Variants in SORCS1 observed in about 807,000 individuals in gnomAD.
The protein encoded by SORCS1 is VPS10 domain-containing receptor SorCS1.
A neutral mutation model predicts 146.1 loss-of-function variants in SORCS1; 60 were observed. The observed-to-expected ratio is 0.41, with a 90% confidence interval of 0.33 to 0.51. The LOEUF is 0.51. Ranked by LOEUF, SORCS1 falls within the 20% of genes least tolerant of loss-of-function variation. SORCS1 has a pLI of 0.21. For synonymous variants in SORCS1, 637 were observed against 584.0 expected (o/e 1.09, Z -1.31); for missense variants, 1,352 against 1,487.6 (o/e 0.91, Z 1.50).
rs1201686302 is a variant in SORCS1 at position 106,575,913 on chromosome 10, C to T, written c.*1507G>A. 6.6e-6 allele frequency: 1 copy of T among 152,650 alleles called. No homozygotes were observed. The highest frequency in any genetic ancestry group is 2.4e-5 in the African/African-American group (1 of 41,456). 9.5% of individuals were successfully genotyped at this position (152,650 alleles called of 1,614,324 possible). ...GGAAATACCAGGTAACAGCAACCGT[C>T]ACAGGAGGAAATTGCCCTGCGAAAT... is the stretch of plus-strand genomic sequence containing the variant. On this transcript the variant is annotated 3_prime_UTR_variant, in exon 26 of 26. Coordinates refer to ENST00000263054, the MANE Select transcript of SORCS1 (RefSeq NM_052918.5).
chr10:107,068,865 G>A (rs1324401136), intron 1 of SORCS1, among the ~76,000 whole-genome samples: 10 of 99,214 alleles, frequency 1.0e-4, no homozygotes, highest in Admixed American at 2.4e-4. Flanking sequence ...GCGAGACTCC[G>A]TCTCAAAAAA....
chr10:106,745,023 C>CA (rs1444480035), intron 5 of SORCS1, among the ~76,000 whole-genome samples: 1 of 152,028 alleles, frequency 6.6e-6, no homozygotes, highest in Non-Finnish European at 1.5e-5. Flanking sequence ...GTTTATTAGC[C>CA]AAAAAGTCTT....
chr10:106,870,712 A>G (rs760851270), intron 2 of SORCS1, among the ~76,000 whole-genome samples: 39 of 152,128 alleles, frequency 2.6e-4, no homozygotes, highest in Non-Finnish European at 4.4e-5. Context: ...GACTTAAATG[A>G]ACAACTCGAA....
rs1026230870 is a variant in SORCS1 at position 107,046,897 on chromosome 10, T to C, written c.559-90317A>G. On this transcript the variant is annotated intron_variant, in intron 1 of 25. Coordinates refer to ENST00000263054, the MANE Select transcript of SORCS1 (RefSeq NM_052918.5). ...CTTGGTATTTCATAAGCAGTCCCTC[T>C]ATCATGATGGTGGCTACATATTTGG... is the stretch of plus-strand genomic sequence containing the variant. Among the ~76,000 whole-genome samples, 3 of 152,240 alleles carry C rather than the reference T, an allele frequency of 2.0e-5. No individual in the cohort carries two copies. In the South Asian group the frequency reaches 6.2e-4, roughly 31 times the overall value.
At chr10:106,967,340 T>G (rs542283411) in intron 1 of SORCS1, among the ~76,000 whole-genome samples, 1 of 111,894 alleles carries the variant, frequency 8.9e-6, no homozygotes, top group African/African-American at 3.0e-5. Flanking sequence ...TTAAATGATT[T>G]TGACTTTTTT....
chr10:107,145,403 C>A (rs1393990711), intron 1 of SORCS1, among the ~76,000 whole-genome samples: 1 of 152,166 alleles, frequency 6.6e-6, no homozygotes, highest in East Asian at 1.9e-4. Flanking sequence ...ATGGTTTTGT[C>A]TAAAAGATGC....
intron 3 of SORCS1, among the ~76,000 whole-genome samples, chr10:106,797,054 C>T (rs1030813511): frequency 2.6e-5 from 4 of 152,206 alleles, no homozygotes; most frequent in Admixed American, 2.0e-4. Flanking sequence ...TTGCAGTAAG[C>T]CGGGATCACG....
chr10:106,672,024 C>A (rs183948456), intron 15 of SORCS1, among the ~76,000 whole-genome samples: 1 of 152,180 alleles, frequency 6.6e-6, no homozygotes, highest in African/African-American at 2.4e-5. Context: ...TAACGCAGGG[C>A]CCACTATCAG....
At chr10:107,109,150 C>T (rs1965506864) in intron 1 of SORCS1, among the ~76,000 whole-genome samples, 1 of 152,182 alleles carries the variant, frequency 6.6e-6, no homozygotes, top group Non-Finnish European at 1.5e-5. Context: ...GTGGATCAAC[C>T]ATTCTGGGGT....
intron 2 of SORCS1, among the ~76,000 whole-genome samples, chr10:106,942,431 C>T (rs1378547740): frequency 2.6e-5 from 4 of 152,154 alleles, no homozygotes; most frequent in African/African-American, 9.7e-5. Context: ...ACAAGGCTCA[C>T]TGGAACAAAA....
chr10:107,169,547 A>G (rs1255658033), upstream of SORCS1, among the ~76,000 whole-genome samples: 3 of 152,196 alleles, frequency 2.0e-5, no homozygotes, highest in Non-Finnish European at 4.4e-5. Flanking sequence ...GATGTTATGA[A>G]AGTTAATTCT....
At chr10:107,146,708 T>G (rs1415869379) in intron 1 of SORCS1, among the ~76,000 whole-genome samples, 1 of 152,166 alleles carries the variant, frequency 6.6e-6, no homozygotes, top group East Asian at 1.9e-4. Context: ...CCCAACTGCA[T>G]GGGGTCTAAA....
At chr10:106,785,474 T>C (rs1946014274) in intron 3 of SORCS1, among the ~76,000 whole-genome samples, 1 of 152,214 alleles carries the variant, frequency 6.6e-6, no homozygotes, top group Admixed American at 6.5e-5. Flanking sequence ...TGTTTACCTG[T>C]TCTCTTATTA....
chr10:106,645,170 ATTTTT>A (rs3044909), intron 18 of SORCS1, among the ~76,000 whole-genome samples: 1 of 106,842 alleles, frequency 9.4e-6, no homozygotes. Flanking sequence ...GTGTCTTATT[ATTTTT>A]TTTTTTTTTT....
At chr10:107,118,825 T>C (rs1347566889) in intron 1 of SORCS1, among the ~76,000 whole-genome samples, 2 of 152,200 alleles carry the variant, frequency 1.3e-5, no homozygotes, top group South Asian at 4.1e-4. Context: ...CATATAACTA[T>C]GTCTGAGCAA....
chr10:106,685,485 C>G (rs992387234), intron 10 of SORCS1, among the ~76,000 whole-genome samples: 1 of 152,162 alleles, frequency 6.6e-6, no homozygotes, highest in African/African-American at 2.4e-5. Context: ...ACAAATACAA[C>G]TTTAGGGGAT....
At chr10:107,029,724 G>C (rs1958564287) in intron 1 of SORCS1, among the ~76,000 whole-genome samples, 1 of 152,168 alleles carries the variant, frequency 6.6e-6, no homozygotes, top group South Asian at 2.1e-4. Flanking sequence ...ATGGGGAAGA[G>C]ACACAAACCA....
At chr10:106,607,460 G>A (rs1357254791) in intron 22 of SORCS1, among the ~76,000 whole-genome samples, 163 bp from the exon 23 acceptor site, 1 of 152,162 alleles carries the variant, frequency 6.6e-6, no homozygotes, top group Non-Finnish European at 1.5e-5. Context: ...AGACAGCACT[G>A]GGCTATTAGG....
At chr10:106,706,275 A>G (rs1854519074) in intron 8 of SORCS1, among the ~76,000 whole-genome samples, 1 of 151,702 alleles carries the variant, frequency 6.6e-6, no homozygotes, top group Admixed American at 6.6e-5. Flanking sequence ...AAAAAAAGAA[A>G]GTAAGATGAA....
Sources: gnomAD v4.1 joint callset for allele counts (sites outside exome capture counted in the v4.1 genomes callset) on GRCh38, gnomAD v4.1.1 for gene constraint, MANE v1.5 for transcripts, NCBI Gene and HGNC (gene_info 2026-07-23, HGNC 2026-07-21) for gene names.